The following CROCC variants were observed in gnomAD, a reference collection of about 807,000 sequenced individuals.
CROCC encodes the protein rootletin.
CROCC carries 180 observed loss-of-function variants against 245.2 expected under a neutral mutation model. That is an observed-to-expected ratio of 0.73 (90% CI 0.65 to 0.83). The LOEUF (loss-of-function observed/expected upper bound fraction) is 0.83, where lower values mean the gene tolerates loss of function less well. Ranked by LOEUF, CROCC falls within the 40% of genes least tolerant of loss-of-function variation. The pLI, the probability that CROCC is intolerant of heterozygous loss-of-function variation, is 0.00. For synonymous variants in CROCC, 1,205 were observed against 1,241.6 expected, an observed-to-expected ratio of 0.97 and a Z score of 0.62; for missense variants, 2,688 against 2,779.4, an observed-to-expected ratio of 0.97 and a Z score of 0.74.
rs199797376 is a variant in CROCC, at chr1:16,931,363, C to T, written c.922C>T (p.Arg308Trp). 61 of 1,612,212 alleles carry T rather than the reference C, an allele frequency of 3.8e-5. No individual in the cohort carries two copies. In the Middle Eastern group the frequency reaches 6.6e-4, roughly 17 times the overall value. ...LLWRQVVGFR[R>W]LVSEVKMFTE... ...CTGGAGGCAGGTGGTGGGGTTCCGGCGGCTGGTCAGCGAGGTGAAGATGTT... is the reference window on the plus strand; with the variant it reads ...CTGGAGGCAGGTGGTGGGGTTCCGGTGGCTGGTCAGCGAGGTGAAGATGTT... Residue 308 changes from arginine to tryptophan, a missense_variant, in exon 8 of 37, where the codon CGG becomes TGG. Around this residue, in one of 9 missense-constraint regions of CROCC, gnomAD observed 972 missense variants for 895.3 expected, o/e 1.09. Coordinates refer to ENST00000375541, the MANE Select transcript of CROCC (RefSeq NM_014675.5).
chr1:16,969,409 G>A, intron 32 of CROCC, 69 bp downstream of exon 32: 1 of 1,463,604 alleles, frequency 6.8e-7, no homozygotes. Flanking sequence ...AGGCTTGGAG[G>A]GGGGCCCTGG....
At position 16,952,198 on chromosome 1, in the gene CROCC, C is replaced by T. The variant is rs180856979; in HGVS notation, c.3006+1076C>T. Among the ~76,000 whole-genome samples the T allele has an allele frequency of 1.5e-3, 216 of 141,152 alleles. No homozygotes were observed. The East Asian group carries it at 0.03, about 20-fold the overall frequency. 92.6% of individuals were successfully genotyped at this position (141,152 alleles called of 152,430 possible). A position where few individuals can be genotyped will look rare whatever the true frequency, so the allele number is the denominator to read the frequency against. ...TACGGTGAAGATCTTAAAGAAGGGG[C>T]GGTTTGGCCGGTCGTGCTGACTCAT... On this transcript the variant is annotated intron_variant, in intron 20 of 36. Transcript: ENST00000375541.
chr1:16,940,246 T>G (rs2075898764), intron 13 of CROCC, among the ~76,000 whole-genome samples, 153 bp downstream of exon 13: 1 of 152,282 alleles, frequency 6.6e-6, no homozygotes, highest in African/African-American at 2.4e-5. Context: ...ATTTTTAAAA[T>G]GGAGTCTCGC....
chr1:16,948,654 G>A (rs1489361400), intron 18 of CROCC, 130 bp downstream of exon 18: 48 of 1,508,968 alleles, frequency 3.2e-5, no homozygotes, highest in Non-Finnish European at 4.2e-5. Context: ...CGTCCTAGCT[G>A]TGGCTCAGGC....
chr1:16,952,312 A>G (rs546747522), intron 20 of CROCC, among the ~76,000 whole-genome samples: 49 of 151,830 alleles, frequency 3.2e-4, no homozygotes, highest in Non-Finnish European at 5.7e-4. Flanking sequence ...GTGAAACCCC[A>G]TCTCTACTAA....
At chr1:16,937,365 A>C (rs1206051738) in intron 9 of CROCC, among the ~76,000 whole-genome samples, 8 of 131,290 alleles carry the variant, frequency 6.1e-5, no homozygotes, top group Admixed American at 3.0e-4. Flanking sequence ...AAAAAAAAAA[A>C]CAAAAAAAAA....
chr1:16,965,580 A>G, intron 27 of CROCC, 143 bp from the exon 28 acceptor site: 1 of 684,774 alleles, frequency 1.5e-6, no homozygotes, highest in Non-Finnish European at 2.6e-6. Flanking sequence ...TTCAGCTGGG[A>G]TGGGCAAGAA....
In CROCC at chr1:16,966,271, G is replaced by T; in HGVS notation, c.4697-137G>T. 1 of 1,431,000 alleles carries T rather than the reference G, an allele frequency of 7.0e-7. No individual in the cohort carries two copies. The highest frequency in any genetic ancestry group is 9.3e-7 in the Non-Finnish European group (1 of 1,081,046). The allele number at this position is 1,431,000 out of a possible 1,614,324, so 88.6% of individuals were successfully genotyped here. A position where few individuals can be genotyped will look rare whatever the true frequency, so the allele number is the denominator to read the frequency against. ...ACCCTCCTTGGACAGCCTCACCTGTGTGCAGGCCCGCATACTACGAAGGGT... is the reference window on the plus strand; with the variant it reads ...ACCCTCCTTGGACAGCCTCACCTGTTTGCAGGCCCGCATACTACGAAGGGT... On this transcript the variant is annotated intron_variant, in intron 29 of 36. Coordinates refer to ENST00000375541, the MANE Select transcript of CROCC (RefSeq NM_014675.5). The surrounding 1 kb of genome is among the most constrained non-coding windows in gnomAD (Gnocchi z 4.8).
Position 16,922,671 on chromosome 1 carries a change from G to A in CROCC, c.69G>A (p.Glu23=). ...TCTCGCTTTTCCCACAGACACTGGA[G>A]AGCAGCGTCCTGTGCCAGGAGAAAG... ...LTLETVIQTL[E]SSVLCQEKGL... is the part of the protein sequence containing the mutation. The change falls in exon 2 of 37, where the codon GAG becomes GAA. Residue 23 remains glutamate, a synonymous_variant. Transcript: ENST00000375541. 1 of 1,608,804 alleles carries A rather than the reference G, an allele frequency of 6.2e-7. No individual in the cohort carries two copies. Among genetic ancestry groups the A allele is most frequent in the Non-Finnish European group, 8.5e-7 (1 of 1,177,694 alleles).
Position 16,946,777 on chromosome 1 carries a change from C to G in CROCC, c.2300C>G (p.Ser767Cys), listed in dbSNP as rs1347450797. 8 of 1,551,616 alleles carry G rather than the reference C, an allele frequency of 5.2e-6. No homozygotes were observed. Among genetic ancestry groups the G allele is most frequent in the Middle Eastern group, 1.7e-4 (1 of 5,990 alleles). The change falls in exon 17 of 37, where the codon TCC becomes TGC. Residue 767 changes from serine (S) to cysteine (C), a missense_variant. By Grantham distance (112) the Ser-to-Cys change is moderately radical. Around this residue, in one of 9 missense-constraint regions of CROCC, gnomAD observed 295 missense variants for 241.7 expected, o/e 1.22. Transcript: ENST00000375541. ...GGCCTCCAGCTGGAGGAAGAAAAGTCCGCCCTGCAGGGCCGGCAACGGCAG... is the reference window on the plus strand; with the variant it reads ...GGCCTCCAGCTGGAGGAAGAAAAGTGCGCCCTGCAGGGCCGGCAACGGCAG... ...RLVAQLEEEKSALQGRQRQAE... is the reference protein window; with the variant it reads ...RLVAQLEEEKCALQGRQRQAE...
upstream of CROCC, among the ~76,000 whole-genome samples, chr1:16,920,068 ATATTTATT>A (rs1248574765): frequency 6.2e-5 from 9 of 144,078 alleles, no homozygotes; most frequent in East Asian, 2.0e-4. Context: ...AATTTTTTTT[ATATTTATT>A]TATTTATTTA....
At chr1:16,944,876 C>T (rs2076011677) in intron 14 of CROCC, among the ~76,000 whole-genome samples, 1 of 152,278 alleles carries the variant, frequency 6.6e-6, no homozygotes, top group African/African-American at 2.4e-5. Flanking sequence ...GCATGTTATT[C>T]TTGTTTCTGA....
intron 20 of CROCC, chr1:16,951,875 T>G: frequency 6.6e-6 from 1 of 150,660 alleles, no homozygotes; most frequent in Non-Finnish European, 1.4e-5. Flanking sequence ...GAGGTGGCGG[T>G]AAAGCTCTTT....
Position 16,946,969 on chromosome 1 carries a change from A to G in CROCC, c.2492A>G (p.Gln831Arg), listed in dbSNP as rs1220166656. 20 of 1,554,594 alleles carry G rather than the reference A, an allele frequency of 1.3e-5. No individual in the cohort carries two copies. Among genetic ancestry groups the G allele is most frequent in the Non-Finnish European group, 1.7e-5 (19 of 1,149,888 alleles). Residue 831 changes from glutamine to arginine, a missense_variant, in exon 17 of 37, where the codon CAG becomes CGG. Transcript: ENST00000375541. ...QLPTLRHERS[Q>R]LQEQLAQLSR... ...CCCACGCTGCGCCATGAGCGCAGCCAGCTGCAGGAGCAGCTAGCGCAGGTG... is the reference window on the plus strand; with the variant it reads ...CCCACGCTGCGCCATGAGCGCAGCCGGCTGCAGGAGCAGCTAGCGCAGGTG...
At chr1:16,922,119 C>T (rs2100310903) in intron 1 of CROCC, 41 bp downstream of exon 1, 1 of 1,495,848 alleles carries the variant, frequency 6.7e-7, no homozygotes. Flanking sequence ...TGGGGCGGGG[C>T]AGCGTGGACT....
Position 16,946,198 on chromosome 1 carries a change from G to C in CROCC, c.2137-61G>C, listed in dbSNP as rs575569421. The stretch of plus-strand genomic sequence containing the variant: ...TCCATCTCTCTGGGTCTCTTCTTGG[G>C]CCTCCTCACCTCCTCCCGACCTTTC... On this transcript the variant is annotated intron_variant, in intron 15 of 36. Transcript: ENST00000375541. The C allele has an allele frequency of 2.5e-3, 3,911 of 1,561,582 alleles. No individual in the cohort carries two copies. The African/African-American group carries it at 0.047, about 19-fold the overall frequency.
intron 19 of CROCC, among the ~76,000 whole-genome samples, chr1:16,950,358 C>T (rs983755505): frequency 2.0e-5 from 3 of 150,694 alleles, no homozygotes; most frequent in African/African-American, 2.4e-5. Context: ...CCACTGCGCC[C>T]GGCCTATTTG....
At chr1:16,962,320 C>A (rs771015859) in intron 27 of CROCC, among the ~76,000 whole-genome samples, 2 of 150,152 alleles carry the variant, frequency 1.3e-5, no homozygotes, top group Non-Finnish European at 3.0e-5. Context: ...CAGAGGTGGG[C>A]GGATCACGAG....
chr1:16,948,441 C>T lies in CROCC; in HGVS notation c.2625C>T (p.Ala875=), dbSNP rs1272628778. 6.4e-7 allele frequency: 1 copy of T among 1,566,532 alleles called. No homozygotes were observed. Among genetic ancestry groups the T allele is most frequent in the Non-Finnish European group, 8.6e-7 (1 of 1,157,350 alleles). ...CGGCCCGTGAGAAGGAGGCGCTAGC[C>T]AAGGAGCACGCTGGCCTGGCTGTGC... The part of the protein sequence containing the change: ...ERAAREKEAL[A]KEHAGLAVQL... Residue 875 remains alanine (A), a synonymous_variant, in exon 18 of 37, where the codon GCC becomes GCT. Transcript: ENST00000375541.
Sources: gnomAD v4.1 joint callset for allele counts (sites outside exome capture counted in the v4.1 genomes callset) on GRCh38, gnomAD v4.1.1 for gene constraint, gnomAD v4.1.1 regional missense constraint, Gnocchi (gnomAD v3.1) non-coding constraint, MANE v1.5 for transcripts, NCBI Gene and HGNC (gene_info 2026-07-23, HGNC 2026-07-21) for gene names.